Variants in ELMO1 observed in about 807,000 individuals in gnomAD.
The protein encoded by ELMO1 is engulfment and cell motility 1, also known as engulfment and cell motility protein 1.
ELMO1 carries 26 observed loss-of-function variants against 98.9 expected under a neutral mutation model. The observed-to-expected ratio is 0.26, with a 90% CI of 0.19 to 0.36. The LOEUF is 0.36. Ranked by LOEUF, ELMO1 falls within the 10% of genes least tolerant of loss-of-function variation. The pLI is 1.00. For synonymous variants in ELMO1, 346 were observed against 346.0 expected (o/e 1.00, Z 0.00); for missense variants, 627 against 935.2 (o/e 0.67, Z 4.30).
At chr7:37,412,046 AC>A (rs1483029450) in intron 1 of ELMO1, among the ~76,000 whole-genome samples, 6 of 152,104 alleles carry the variant, frequency 3.9e-5, no homozygotes, top group African/African-American at 1.2e-4. Flanking sequence ...ACACACAAAA[AC>A]ACACACACAC....
At chr7:37,413,608 GCT>G (rs1562675708) in intron 1 of ELMO1, among the ~76,000 whole-genome samples, 1 of 152,132 alleles carries the variant, frequency 6.6e-6, no homozygotes, top group Non-Finnish European at 1.5e-5. Context: ...TATGCCCTTA[GCT>G]CTCTTTTTCT....
At chr7:36,939,596 G>A (rs1786846802) in intron 16 of ELMO1, among the ~76,000 whole-genome samples, 1 of 152,256 alleles carries the variant, frequency 6.6e-6, no homozygotes, top group Non-Finnish European at 1.5e-5. Context: ...CAGAGATGAA[G>A]TGGTGAACAG....
At chr7:36,970,571 T>C (rs1177568194) in intron 16 of ELMO1, among the ~76,000 whole-genome samples, 1 of 152,230 alleles carries the variant, frequency 6.6e-6, no homozygotes, top group Non-Finnish European at 1.5e-5. Flanking sequence ...CTGGATTGTA[T>C]TCTTTTTGAA....
chr7:36,953,687 C>T (rs1284096508), intron 16 of ELMO1, among the ~76,000 whole-genome samples: 1 of 152,026 alleles, frequency 6.6e-6, no homozygotes, highest in African/African-American at 2.4e-5. Flanking sequence ...TAGCTGTTCC[C>T]CTACTGTTGA....
chr7:37,386,868 C>T lies in ELMO1; in HGVS notation c.-73-44105G>A, dbSNP rs373027473. 3.9e-4 allele frequency among the ~76,000 whole-genome samples: 59 copies of T among 152,346 alleles called. No homozygotes were observed. The South Asian group carries it at 0.012, about 31-fold the overall frequency. Reference sequence around the variant, plus strand: ...TCTGCTTCCTTCAGTGGTTATTAGCCTTGCATGCACATTGTAATTGACTCA... The same window carrying T: ...TCTGCTTCCTTCAGTGGTTATTAGCTTTGCATGCACATTGTAATTGACTCA... On this transcript the variant is annotated intron_variant, in intron 1 of 21. Transcript: ENST00000310758.
At chr7:37,316,874 A>C (rs1268937174) in intron 2 of ELMO1, among the ~76,000 whole-genome samples, 1 of 152,184 alleles carries the variant, frequency 6.6e-6, no homozygotes, top group Non-Finnish European at 1.5e-5. Context: ...TCCTGTCTAT[A>C]TGAAGGGCAA....
At chr7:36,895,320 C>A (rs1311444020) in intron 16 of ELMO1, among the ~76,000 whole-genome samples, 2 of 152,208 alleles carry the variant, frequency 1.3e-5, no homozygotes, top group Non-Finnish European at 2.9e-5. Context: ...TGACTCAACA[C>A]TGTAAACAAT....
chr7:37,014,165 TCTCCTC>T (rs151136717), intron 15 of ELMO1, among the ~76,000 whole-genome samples: 10 of 150,776 alleles, frequency 6.6e-5, no homozygotes, highest in African/African-American at 1.5e-4. Context: ...TGGTCCCTAC[TCTCCTC>T]CTCCTCCTCC....
At chr7:37,162,691 A>C (rs1789307515) in intron 13 of ELMO1, among the ~76,000 whole-genome samples, 1 of 152,214 alleles carries the variant, frequency 6.6e-6, no homozygotes, top group Non-Finnish European at 1.5e-5. Context: ...GATTTACTCA[A>C]CTCAATAATG....
In ELMO1 at chr7:37,346,140, A is replaced by G. The variant is rs536453373; in HGVS notation, c.-73-3377T>C. On this transcript the variant is annotated intron_variant, in intron 1 of 21. Transcript: ENST00000310758. ...GTTCCTGAAACAGGTGACTTGCTGA[A>G]GCCAAGTAAGTGCAAGAACAGTAAG... 2.2e-4 allele frequency among the ~76,000 whole-genome samples: 33 copies of G among 152,326 alleles called. No homozygotes were observed. The South Asian group carries it at 6.0e-3, about 28-fold the overall frequency.
chr7:37,436,427 T>C (rs964334425), intron 1 of ELMO1, among the ~76,000 whole-genome samples: 2 of 152,196 alleles, frequency 1.3e-5, no homozygotes, highest in Non-Finnish European at 2.9e-5. Context: ...GACAAGTGAT[T>C]TTCATGACTA....
At position 37,444,570 on chromosome 7, in the gene ELMO1, T is replaced by C. The variant is rs113578182; in HGVS notation, c.-74+4105A>G. Among the ~76,000 whole-genome samples the C allele has an allele frequency of 5.8e-3, 888 of 152,208 alleles. 12 individuals are homozygous for C. The highest frequency in any genetic ancestry group is 0.019 in the African/African-American group (771 of 41,520). ...CTCTGTCGCCCAGGCTGGAGTGCAGTGGCGCAATCTCAGCTCACTGTAAGC... is the reference window on the plus strand; with the variant it reads ...CTCTGTCGCCCAGGCTGGAGTGCAGCGGCGCAATCTCAGCTCACTGTAAGC... On this transcript the variant is annotated intron_variant, in intron 1 of 21. Transcript: ENST00000310758.
rs564578380 is a variant in ELMO1, at chr7:37,345,560, A to C, written c.-73-2797T>G. Reference sequence around the variant, plus strand: ...CCTCATCTCTACTAAAAAATACAAAAATTAGCCTGGCGTGGTGGTGCTTGT... The same window carrying C: ...CCTCATCTCTACTAAAAAATACAAACATTAGCCTGGCGTGGTGGTGCTTGT... On this transcript the variant is annotated intron_variant, in intron 1 of 21. Transcript: ENST00000310758. 1.3e-5 allele frequency among the ~76,000 whole-genome samples: 2 copies of C among 152,174 alleles called. 1 individual carries two copies. Among genetic ancestry groups the C allele is most frequent in the Admixed American group, 1.3e-4 (2 of 15,298 alleles).
At chr7:37,410,759 T>C (rs1410636150) in intron 1 of ELMO1, among the ~76,000 whole-genome samples, 5 of 152,160 alleles carry the variant, frequency 3.3e-5, no homozygotes, top group Admixed American at 3.3e-4. Flanking sequence ...ACCTGACACA[T>C]TTTGGTAGAG....
chr7:37,433,486 G>A (rs1270775657), intron 1 of ELMO1, among the ~76,000 whole-genome samples: 1 of 152,052 alleles, frequency 6.6e-6, no homozygotes, highest in Non-Finnish European at 1.5e-5. Flanking sequence ...ACTCACAAAG[G>A]AAGCCAGAGG....
In ELMO1 at chr7:37,154,904, A is replaced by T. The variant is rs201244233; in HGVS notation, c.1087-21670T>A. On this transcript the variant is annotated intron_variant, in intron 13 of 21. Coordinates refer to ENST00000310758, the MANE Select transcript of ELMO1 (RefSeq NM_014800.11). ...AAAGGAAGGAAAAAATGTTAAGGGCAGCCAGAGAGAAAGGTCAAGTTACCC... is the reference window on the plus strand; with the variant it reads ...AAAGGAAGGAAAAAATGTTAAGGGCTGCCAGAGAGAAAGGTCAAGTTACCC... Among the ~76,000 whole-genome samples the T allele has an allele frequency of 6.6e-5, 10 of 152,356 alleles. No homozygotes were observed. In the East Asian group the frequency reaches 1.9e-3, roughly 29 times the overall value.
intron 16 of ELMO1, among the ~76,000 whole-genome samples, chr7:36,944,975 G>T (rs1787355676): frequency 6.6e-6 from 1 of 152,170 alleles, no homozygotes; most frequent in South Asian, 2.1e-4. Context: ...TGCGAACCCA[G>T]GGCAATAGCA....
chr7:37,074,412 T>C lies in ELMO1; in HGVS notation c.1300+22207A>G, dbSNP rs182662985. ...TGTTAGAATATAAACAAATAAGAAA[T>C]AACTCATGATTCACTTTTCGGTTAT... is the stretch of plus-strand genomic sequence containing the variant. On this transcript the variant is annotated intron_variant, in intron 15 of 21. Coordinates refer to ENST00000310758, the MANE Select transcript of ELMO1 (RefSeq NM_014800.11). 6.8e-4 allele frequency among the ~76,000 whole-genome samples: 104 copies of C among 152,240 alleles called. 1 individual carries two copies. Among genetic ancestry groups the C allele is most frequent in the African/African-American group, 2.3e-3 (97 of 41,548 alleles).
rs932806834 is a variant in ELMO1 at position 37,100,023 on chromosome 7, G to A, written c.1192-3296C>T. Among the ~76,000 whole-genome samples, 9 of 152,110 alleles carry A rather than the reference G, an allele frequency of 5.9e-5. No individual in the cohort carries two copies. In the East Asian group the frequency reaches 1.5e-3, roughly 26 times the overall value. On this transcript the variant is annotated intron_variant, in intron 14 of 21. Transcript: ENST00000310758. ...TAATTTTTGTATTTTTAGTAGAGAC[G>A]GGGTTTCACCATGTTGGCCGAGCTG...
Sources: gnomAD v4.1 joint callset for allele counts (sites outside exome capture counted in the v4.1 genomes callset) on GRCh38, gnomAD v4.1.1 for gene constraint, MANE v1.5 for transcripts, NCBI Gene and HGNC (gene_info 2026-07-23, HGNC 2026-07-21) for gene names.